Variants in ABLIM1 observed in about 807,000 individuals in gnomAD.
ABLIM1 encodes the protein actin-binding LIM protein 1.
In ABLIM1, 40 loss-of-function variants were observed where a neutral mutation model predicts 107.0. The ratio of observed to expected loss-of-function variants is 0.37; its 90% confidence interval spans 0.29 to 0.49. ABLIM1 has a LOEUF of 0.49. Ranked by LOEUF, ABLIM1 falls within the 20% of genes least tolerant of loss-of-function variation. The pLI is 0.97. For synonymous variants in ABLIM1, 357 were observed against 357.3 expected (o/e 1.00, Z 0.01); for missense variants, 857 against 1,008.5 (o/e 0.85, Z 2.04).
At chr10:114,556,444 A>G (rs868640437) in intron 4 of ABLIM1, among the ~76,000 whole-genome samples, 5 of 152,214 alleles carry the variant, frequency 3.3e-5, no homozygotes, top group Admixed American at 6.5e-5. Context: ...CCATCCCTCC[A>G]TAAGTGTGTC....
chr10:114,574,661 C>T (rs2072232441), intron 3 of ABLIM1, among the ~76,000 whole-genome samples: 1 of 152,078 alleles, frequency 6.6e-6, no homozygotes, highest in Admixed American at 6.6e-5. Flanking sequence ...AGGCTGGTCT[C>T]AAACTCTTGA....
At chr10:114,604,063 G>T (rs2076240061) in intron 1 of ABLIM1, among the ~76,000 whole-genome samples, 1 of 151,950 alleles carries the variant, frequency 6.6e-6, no homozygotes, top group Admixed American at 6.6e-5. Flanking sequence ...GTATTTATTG[G>T]CATCTACTAA....
At chr10:114,615,601 C>T (rs953326866) in intron 1 of ABLIM1, 4 of 464,634 alleles carry the variant, frequency 8.6e-6, no homozygotes, top group Non-Finnish European at 1.7e-5. Flanking sequence ...ACAAAGCCAG[C>T]ACTCTATAAA....
chr10:114,652,089 A>G (rs2079275379), intron 1 of ABLIM1, among the ~76,000 whole-genome samples: 1 of 152,178 alleles, frequency 6.6e-6, no homozygotes, highest in Admixed American at 6.5e-5. Context: ...CTTCTCTCAA[A>G]TGTAATAGAG....
At chr10:114,440,288 G>A (rs1393256302) in intron 19 of ABLIM1, among the ~76,000 whole-genome samples, 199 bp from the exon 20 acceptor site, 2 of 152,196 alleles carry the variant, frequency 1.3e-5, no homozygotes, top group African/African-American at 4.8e-5. Flanking sequence ...TTAGTTAACA[G>A]TTAAAACATT....
chr10:114,605,758 G>T (rs2076367656), intron 1 of ABLIM1, among the ~76,000 whole-genome samples: 1 of 152,124 alleles, frequency 6.6e-6, no homozygotes, highest in Non-Finnish European at 1.5e-5. Flanking sequence ...TTCCTCCACT[G>T]CAGAATACCC....
At position 114,571,328 on chromosome 10, in the gene ABLIM1, C is replaced by A; in HGVS notation, c.642G>T (p.Ser214=). The A allele has an allele frequency of 1.2e-6, 2 of 1,614,176 alleles. No individual in the cohort carries two copies. The highest frequency in any genetic ancestry group is 1.7e-6 in the Non-Finnish European group (2 of 1,180,024). ...AGAAGGTGGTTTCTTTCGGACTGGA[C>A]GACATCGGCTGTGCACAGAGTTGAC... ...CLCQLCAQPM[S]SSPKETTFSS... The change falls in exon 4 of 23, where the codon TCG becomes TCT. Residue 214 remains serine (S), a synonymous_variant. Coordinates refer to ENST00000533213, the MANE Select transcript of ABLIM1 (RefSeq NM_002313.7).
At chr10:114,605,983 G>A (rs143838843) in intron 1 of ABLIM1, among the ~76,000 whole-genome samples, 1 of 152,226 alleles carries the variant, frequency 6.6e-6, no homozygotes, top group East Asian at 1.9e-4. Context: ...GACCATTAAA[G>A]AAATCCCAGT....
chr10:114,437,926 T>A lies in ABLIM1; in HGVS notation c.2143-2A>T. 1 of 1,613,552 alleles carries A rather than the reference T, an allele frequency of 6.2e-7. No homozygotes were observed. The highest frequency in any genetic ancestry group is 1.3e-5 in the African/African-American group (1 of 75,020). On this transcript the variant is annotated splice_acceptor_variant, in intron 21 of 22. Transcript: ENST00000533213. LOFTEE classifies it high-confidence loss of function. ...CATGAGCATTTCATATGGAAATATC[T>A]GAGAAGAAAGAAAACACCTCTTCTA...
intron 1 of ABLIM1, among the ~76,000 whole-genome samples, chr10:114,756,082 G>C (rs892545977): frequency 7.3e-5 from 6 of 82,162 alleles, no homozygotes; most frequent in African/African-American, 2.3e-4. Context: ...GTGTGTTTGT[G>C]AGTGTGTGTG....
intron 1 of ABLIM1, among the ~76,000 whole-genome samples, chr10:114,727,612 A>G (rs2081987354): frequency 6.6e-6 from 1 of 152,258 alleles, no homozygotes; most frequent in South Asian, 2.1e-4. Flanking sequence ...AAACGGGTCA[A>G]AAAACTCAAA....
chr10:114,796,584 TACTAC>T, the ABLIM1 span, among the ~76,000 whole-genome samples: 4 of 152,128 alleles, frequency 2.6e-5, no homozygotes, highest in Non-Finnish European at 4.4e-5. Flanking sequence ...TGCAGGAGGG[TACTAC>T]ACAAGGGTGT....
At chr10:114,690,538 T>G in intron 1 of ABLIM1, 1 of 1,326,946 alleles carries the variant, frequency 7.5e-7, no homozygotes, top group Non-Finnish European at 1.1e-6. Context: ...ACACGAAGGT[T>G]TTCTGCTGTC....
chr10:114,799,927 C>T, the ABLIM1 span, among the ~76,000 whole-genome samples: 1 of 152,180 alleles, frequency 6.6e-6, no homozygotes, highest in Non-Finnish European at 1.5e-5. Flanking sequence ...AGGCATCAGC[C>T]ACCACACCAG....
chr10:114,764,386 T>TG (rs1481278797), intron 1 of ABLIM1, among the ~76,000 whole-genome samples: 2 of 152,280 alleles, frequency 1.3e-5, no homozygotes, highest in African/African-American at 4.8e-5. Context: ...TTTGTTTGTT[T>TG]TTTTGAGATA....
At chr10:114,460,398 C>T (rs1311401302) in intron 12 of ABLIM1, among the ~76,000 whole-genome samples, 3 of 152,236 alleles carry the variant, frequency 2.0e-5, no homozygotes, top group South Asian at 2.1e-4. Flanking sequence ...GTCAAGAGTT[C>T]GAGACCAGCC....
At chr10:114,772,232 G>C (rs1324300471), upstream of ABLIM1, among the ~76,000 whole-genome samples, 1 of 152,074 alleles carries the variant, frequency 6.6e-6, no homozygotes, top group Non-Finnish European at 1.5e-5. Context: ...GCCACTAAAG[G>C]GGGATAAAAT....
chr10:114,678,173 C>A (rs553840294), intron 1 of ABLIM1, among the ~76,000 whole-genome samples: 1 of 151,622 alleles, frequency 6.6e-6, no homozygotes. Context: ...CCTCATTCTC[C>A]AGCTAAGCAA....
chr10:114,611,602 A>G (rs946656262), intron 1 of ABLIM1, among the ~76,000 whole-genome samples: 1 of 152,220 alleles, frequency 6.6e-6, no homozygotes, highest in African/African-American at 2.4e-5. Flanking sequence ...TCCTGATTAT[A>G]GAAACAGCTT....
Sources: allele counts gnomAD v4.1 joint callset (sites outside exome capture counted in the v4.1 genomes callset), GRCh38; gene constraint gnomAD v4.1.1; transcripts MANE v1.5; gene names NCBI Gene and HGNC (gene_info 2026-07-23, HGNC 2026-07-21).